The following USP31 variants were observed in gnomAD, a reference collection of about 807,000 sequenced individuals.
USP31 encodes ubiquitin specific peptidase 31, also known as ubiquitin carboxyl-terminal hydrolase 31.
In USP31, 44 loss-of-function variants were observed where a neutral mutation model predicts 119.4. The ratio of observed to expected loss-of-function variants is 0.37; its 90% CI spans 0.29 to 0.47. The LOEUF is 0.47. Ranked by LOEUF, USP31 falls within the 20% of genes least tolerant of loss-of-function variation. The probability of loss-of-function intolerance (pLI) is 0.99; values close to 1 mark genes in which losing one functional copy is unlikely to be tolerated. For missense variants in USP31, 1,643 were observed against 1,730.2 expected (o/e 0.95, Z 0.89); for synonymous variants, 749 against 705.6 (o/e 1.06, Z -0.97).
At chr16:23,092,114 C>T (rs1359135373) in intron 6 of USP31, among the ~76,000 whole-genome samples, 1 of 152,188 alleles carries the variant, frequency 6.6e-6, no homozygotes, top group African/African-American at 2.4e-5. Context: ...GTTACTTCAT[C>T]TCCAAGTCTC....
chr16:23,139,906 G>C (rs1903304103), intron 1 of USP31, among the ~76,000 whole-genome samples: 1 of 151,840 alleles, frequency 6.6e-6, no homozygotes, highest in Non-Finnish European at 1.5e-5. Flanking sequence ...TATCACCTTG[G>C]CCTGAAACCT....
At chr16:23,148,024 TTAAC>T (rs1903575667) in intron 1 of USP31, among the ~76,000 whole-genome samples, 1 of 152,332 alleles carries the variant, frequency 6.6e-6, no homozygotes, top group Non-Finnish European at 1.5e-5. Flanking sequence ...TATTATCTCG[TTAAC>T]TTCTTCAAGT....
At chr16:23,128,783 G>A (rs571593310) in intron 1 of USP31, among the ~76,000 whole-genome samples, 1 of 152,230 alleles carries the variant, frequency 6.6e-6, no homozygotes, top group South Asian at 2.1e-4. Context: ...CACCACGACA[G>A]AAAGTTTTGC....
intron 1 of USP31, among the ~76,000 whole-genome samples, chr16:23,137,568 CG>C (rs146375725): frequency 0.059 from 8,788 of 149,686 alleles, 353 homozygotes; most frequent in Non-Finnish European, 0.077. Context: ...TTCCTTTGGA[CG>C]TTTTCCTCCC....
intron 6 of USP31, among the ~76,000 whole-genome samples, chr16:23,098,346 A>G (rs1381303312): frequency 1.3e-5 from 2 of 152,226 alleles, no homozygotes; most frequent in Admixed American, 6.5e-5. Context: ...ATGGAAGAAC[A>G]TTCCATGCTC....
At chr16:23,111,462 C>T (rs1038136431) in intron 1 of USP31, among the ~76,000 whole-genome samples, 1 of 152,240 alleles carries the variant, frequency 6.6e-6, no homozygotes, top group East Asian at 1.9e-4. Context: ...GGAAAGAGTT[C>T]GCGGAATGAG....
chr16:23,068,787 G>C lies in USP31; in HGVS notation c.3318C>G (p.Ser1106=). 3 of 1,568,778 alleles carry C rather than the reference G, an allele frequency of 1.9e-6. No individual in the cohort carries two copies. Among genetic ancestry groups the C allele is most frequent in the Non-Finnish European group, 2.6e-6 (3 of 1,159,932 alleles). Residue 1106 remains serine, a synonymous_variant, in exon 16 of 16, where the codon TCC becomes TCG. Coordinates refer to ENST00000219689, the MANE Select transcript of USP31 (RefSeq NM_020718.4). ...GCTTCTGTGGCGAAGGAGATGACAC[G>C]GAGTCCTGAGATTTCGGGGATGACT... ...KKESSPKSQD[S]VSSPSPQKQK... is the part of the protein sequence containing the mutation.
Position 23,063,974 on chromosome 16 carries a change from A to G in USP31, c.*4072T>C, listed in dbSNP as rs1441495810. ...CTCCCCAAACCATGTAGTAGAGTTTAACAATAATGTACCCTTTATGAAATG... is the reference window on the plus strand; with the variant it reads ...CTCCCCAAACCATGTAGTAGAGTTTGACAATAATGTACCCTTTATGAAATG... On this transcript the variant is annotated 3_prime_UTR_variant, in exon 16 of 16. Coordinates refer to ENST00000219689, the MANE Select transcript of USP31 (RefSeq NM_020718.4). 1 of 152,582 alleles carries G rather than the reference A, an allele frequency of 6.6e-6. No homozygotes were observed. Among genetic ancestry groups the G allele is most frequent in the African/African-American group, 2.4e-5 (1 of 41,456 alleles). The allele number at this position is 152,582 out of a possible 1,614,324, so 9.5% of individuals were successfully genotyped here.
At chr16:23,082,111 T>C (rs145884734) in intron 12 of USP31, among the ~76,000 whole-genome samples, 2 of 152,358 alleles carry the variant, frequency 1.3e-5, no homozygotes, top group African/African-American at 4.8e-5. Context: ...AACACCCATA[T>C]TACATTAGGT....
intron 15 of USP31, among the ~76,000 whole-genome samples, chr16:23,070,529 T>C (rs1329842129): frequency 6.6e-6 from 1 of 151,934 alleles, no homozygotes; most frequent in East Asian, 1.9e-4. Context: ...CTGGCTAACA[T>C]GGTGAAACCC....
intron 13 of USP31, among the ~76,000 whole-genome samples, chr16:23,075,999 G>A (rs530347811): frequency 1.3e-5 from 2 of 152,214 alleles, no homozygotes; most frequent in South Asian, 2.1e-4. Flanking sequence ...GAGGTAGGAG[G>A]ATCTTGAGCC....
At chr16:23,088,401 AG>A (rs1901208018) in intron 7 of USP31, among the ~76,000 whole-genome samples, 1 of 152,192 alleles carries the variant, frequency 6.6e-6, no homozygotes, top group Non-Finnish European at 1.5e-5. Context: ...GCCCAAGTCC[AG>A]CCCCCGGAGA....
intron 1 of USP31, among the ~76,000 whole-genome samples, chr16:23,131,331 T>G (rs1462885111): frequency 6.6e-6 from 1 of 152,052 alleles, no homozygotes; most frequent in Admixed American, 6.6e-5. Flanking sequence ...TGTATTTTAT[T>G]TTAGTTTTGT....
chr16:23,142,853 T>C (rs1316596143), intron 1 of USP31, among the ~76,000 whole-genome samples: 1 of 152,208 alleles, frequency 6.6e-6, no homozygotes, highest in Non-Finnish European at 1.5e-5. Flanking sequence ...ACAATTTCAT[T>C]TTTTCCAAGG....
In USP31 at chr16:23,080,004, G is replaced by A. The variant is rs766456381; in HGVS notation, c.2118C>T (p.Ile706=). ...YGLGRDPEDY[I]YDLYAVCNHH... ...GATTGCACACAGCATACAGGTCATA[G>A]ATGTAGTCCTCAGGGTCCCTCCCGA... Residue 706 remains isoleucine, a synonymous_variant, in exon 13 of 16, where the codon ATC becomes ATT. Coordinates refer to ENST00000219689, the MANE Select transcript of USP31 (RefSeq NM_020718.4). 10 of 1,613,998 alleles carry A rather than the reference G, an allele frequency of 6.2e-6. No individual in the cohort carries two copies. Among genetic ancestry groups the A allele is most frequent in the Non-Finnish European group, 8.5e-6 (10 of 1,180,040 alleles).
chr16:23,090,121 AC>A (rs1487402001), intron 7 of USP31, among the ~76,000 whole-genome samples: 1 of 152,238 alleles, frequency 6.6e-6, no homozygotes, highest in East Asian at 1.9e-4. Flanking sequence ...GCAGTGGCTC[AC>A]GCCTATAATC....
intron 1 of USP31, among the ~76,000 whole-genome samples, chr16:23,124,153 C>T (rs1366613961): frequency 6.6e-6 from 1 of 152,110 alleles, no homozygotes; most frequent in African/African-American, 2.4e-5. Flanking sequence ...CAATCCAGAA[C>T]CACTCAATAG....
At chr16:23,119,105 C>CTT (rs34893925) in intron 1 of USP31, among the ~76,000 whole-genome samples, 2 of 143,846 alleles carry the variant, frequency 1.4e-5, no homozygotes, top group African/African-American at 5.1e-5. Flanking sequence ...TTCTTTTTTT[C>CTT]TTTTTTTTTT....
chr16:23,103,937 TACAAACAA>T (rs957317823), intron 5 of USP31, among the ~76,000 whole-genome samples: 1 of 151,980 alleles, frequency 6.6e-6, no homozygotes, highest in South Asian at 2.1e-4. Flanking sequence ...CATACATACA[TACAAACAA>T]ACAAACAAAA....
Sources: allele counts gnomAD v4.1 joint callset (sites outside exome capture counted in the v4.1 genomes callset), GRCh38; gene constraint gnomAD v4.1.1; transcripts MANE v1.5; gene names NCBI Gene and HGNC (gene_info 2026-07-23, HGNC 2026-07-21).